SLC9A4: variants seen among roughly 807,000 people sequenced by gnomAD.
The protein encoded by SLC9A4 is sodium/hydrogen exchanger 4.
SLC9A4 carries 63 observed loss-of-function variants against 67.4 expected under a neutral mutation model. That is an observed-to-expected ratio of 0.93 (90% CI 0.76 to 1.15). The LOEUF is 1.15. Ranked by LOEUF, SLC9A4 falls within the 50% of genes most tolerant of loss-of-function variation. The probability of loss-of-function intolerance (pLI) is 0.00; values close to 1 mark genes in which losing one functional copy is unlikely to be tolerated. For synonymous variants in SLC9A4, 393 were observed against 367.2 expected (o/e 1.07, Z -0.80); for missense variants, 1,089 against 987.7 (o/e 1.10, Z -1.38).
intron 2 of SLC9A4, among the ~76,000 whole-genome samples, chr2:102,494,785 C>G (rs1019462875): frequency 1.3e-5 from 2 of 151,872 alleles, no homozygotes; most frequent in Non-Finnish European, 2.9e-5. Context: ...TCAAGAATAC[C>G]TAAAAATTGT....
chr2:102,507,639 T>C (rs1308424573), intron 4 of SLC9A4, among the ~76,000 whole-genome samples: 3 of 152,104 alleles, frequency 2.0e-5, no homozygotes, highest in Non-Finnish European at 2.9e-5. Flanking sequence ...CCCCTCTCAT[T>C]TTTAAATTAC....
intron 2 of SLC9A4, among the ~76,000 whole-genome samples, chr2:102,479,819 C>T (rs1684421729): frequency 6.6e-6 from 1 of 152,098 alleles, no homozygotes; most frequent in Non-Finnish European, 1.5e-5. Context: ...CACTTAGTTG[C>T]AGGACTTGTA....
At chr2:102,512,613 T>G (rs1685187650) in intron 7 of SLC9A4, among the ~76,000 whole-genome samples, 1 of 152,158 alleles carries the variant, frequency 6.6e-6, no homozygotes, top group South Asian at 2.1e-4. Context: ...GAAAAGGAGT[T>G]TAGAAAGGGA....
rs1288725150 is a variant in SLC9A4 at position 102,532,511 on chromosome 2, A to G, written c.2220A>G (p.Val740=). 1 of 1,614,148 alleles carries G rather than the reference A, an allele frequency of 6.2e-7. No homozygotes were observed. Among genetic ancestry groups the G allele is most frequent in the South Asian group, 1.1e-5 (1 of 91,080 alleles). The change falls in exon 12 of 12, where the codon GTA becomes GTG. Residue 740 remains valine (V), a synonymous_variant. Coordinates refer to ENST00000295269, the MANE Select transcript of SLC9A4 (RefSeq NM_001011552.4). ...NTSQEEYLGG[V]RRVALRPKPL... Reference sequence around the variant, plus strand: ...GCCAAGAAGAGTACTTGGGTGGAGTAAGGAGGGTGGCCTTAAGACCCAAAC... The same window carrying G: ...GCCAAGAAGAGTACTTGGGTGGAGTGAGGAGGGTGGCCTTAAGACCCAAAC...
chr2:102,518,899 T>A (rs1249274468), intron 8 of SLC9A4, among the ~76,000 whole-genome samples: 1 of 152,170 alleles, frequency 6.6e-6, no homozygotes, highest in Non-Finnish European at 1.5e-5. Flanking sequence ...AAGGTTTATA[T>A]CAAGATGTTA....
intron 2 of SLC9A4, among the ~76,000 whole-genome samples, chr2:102,488,239 G>C (rs1558661493): frequency 6.6e-6 from 1 of 151,912 alleles, no homozygotes; most frequent in Non-Finnish European, 1.5e-5. Flanking sequence ...GCTGCAGTGG[G>C]AAAAAAAACA....
chr2:102,474,055 A>C, intron 1 of SLC9A4, 40 bp downstream of exon 1: 1 of 1,594,738 alleles, frequency 6.3e-7, no homozygotes, highest in South Asian at 1.1e-5. Context: ...TTATCTTTTT[A>C]CATAAGATAG....
chr2:102,519,008 A>C (rs1035791180), intron 8 of SLC9A4, among the ~76,000 whole-genome samples: 2 of 152,208 alleles, frequency 1.3e-5, no homozygotes, highest in African/African-American at 4.8e-5. Context: ...TGTAATACAA[A>C]GTTTTTTAAA....
intron 4 of SLC9A4, 113 bp downstream of exon 4, chr2:102,505,584 G>A: frequency 9.6e-7 from 1 of 1,038,816 alleles, no homozygotes; most frequent in East Asian, 2.6e-5. Context: ...GGTTTTACCG[G>A]TTAGGGTAGA....
Position 102,512,408 on chromosome 2 carries a change from G to A in SLC9A4, c.1559+135G>A, listed in dbSNP as rs553153218. ...TCCTGAGCCATCCCCTACAGGAAGT[G>A]GTTGAAATTCCAGGGCATGCTAAGC... On this transcript the variant is annotated intron_variant, in intron 7 of 11. Transcript: ENST00000295269. The A allele has an allele frequency of 1.4e-5, 11 of 802,772 alleles. No homozygotes were observed. In the African/African-American group the frequency reaches 1.6e-4, roughly 12 times the overall value. The allele number at this position is 802,772 out of a possible 1,614,324, so 49.7% of individuals were successfully genotyped here. A position where few individuals can be genotyped will look rare whatever the true frequency, so the allele number is the denominator to read the frequency against.
rs899350038 is a variant in SLC9A4 at position 102,488,710 on chromosome 2, G to A, written c.720+9408G>A. 1.4e-4 allele frequency among the ~76,000 whole-genome samples: 22 copies of A among 152,058 alleles called. No individual in the cohort carries two copies. The Middle Eastern group carries it at 0.01, about 71-fold the overall frequency. On this transcript the variant is annotated intron_variant, in intron 2 of 11. Transcript: ENST00000295269. ...ACTAAAGGTGCCCACCACCACGCCC[G>A]GCTAATTTTTGTATTTTTAGTAGAG... is the stretch of plus-strand genomic sequence containing the variant.
chr2:102,498,267 G>A (rs1025567780), intron 2 of SLC9A4, among the ~76,000 whole-genome samples: 6 of 152,236 alleles, frequency 3.9e-5, no homozygotes, highest in African/African-American at 1.2e-4. Flanking sequence ...AGTAAGGATT[G>A]TGATTGTAAA....
At chr2:102,530,301 AGGT>A (rs1674752329) in intron 11 of SLC9A4, among the ~76,000 whole-genome samples, 1 of 152,182 alleles carries the variant, frequency 6.6e-6, no homozygotes, top group South Asian at 2.1e-4. Flanking sequence ...GCTTTTGGTC[AGGT>A]GGGAGGTAAA....
At chr2:102,501,443 C>T (rs1045489541) in intron 2 of SLC9A4, among the ~76,000 whole-genome samples, 1 of 152,030 alleles carries the variant, frequency 6.6e-6, no homozygotes, top group African/African-American at 2.4e-5. Context: ...TGGGGTTTCA[C>T]CACGTTGGCA....
chr2:102,483,510 C>T (rs1288480906), intron 2 of SLC9A4, among the ~76,000 whole-genome samples: 1 of 152,132 alleles, frequency 6.6e-6, no homozygotes, highest in Non-Finnish European at 1.5e-5. Flanking sequence ...TCTTCATCCA[C>T]GAAAGAGCTG....
intron 2 of SLC9A4, among the ~76,000 whole-genome samples, chr2:102,488,502 T>C (rs1407923846): frequency 1.3e-5 from 2 of 151,312 alleles, no homozygotes; most frequent in East Asian, 3.9e-4. Flanking sequence ...TGGTGAGTAA[T>C]AGGCTAATAC....
intron 2 of SLC9A4, among the ~76,000 whole-genome samples, chr2:102,485,911 G>A (rs1279789776): frequency 1.3e-5 from 2 of 152,192 alleles, no homozygotes; most frequent in African/African-American, 4.8e-5. Flanking sequence ...GCAGGCATGG[G>A]CAGAGGGAAG....
At chr2:102,496,383 A>G (rs1221066369) in intron 2 of SLC9A4, among the ~76,000 whole-genome samples, 1 of 152,250 alleles carries the variant, frequency 6.6e-6, no homozygotes, top group African/African-American at 2.4e-5. Context: ...TGACAAGGAT[A>G]TGGAGCAACT....
intron 3 of SLC9A4, among the ~76,000 whole-genome samples, chr2:102,504,316 T>A (rs1468492554): frequency 2.6e-5 from 4 of 152,204 alleles, no homozygotes; most frequent in South Asian, 4.2e-4. Context: ...CCTCCCAAAG[T>A]GGAAAAGTTA....
Sources: allele counts gnomAD v4.1 joint callset (sites outside exome capture counted in the v4.1 genomes callset), GRCh38; gene constraint gnomAD v4.1.1; transcripts MANE v1.5; gene names NCBI Gene and HGNC (gene_info 2026-07-23, HGNC 2026-07-21).